The following TRIM40 variants were observed in gnomAD, a reference collection of about 807,000 sequenced individuals.
The protein encoded by TRIM40 is E3 ubiquitin ligase TRIM40.
Under a neutral mutation model 26.1 loss-of-function variants are expected in TRIM40, and 27 were observed. The observed-to-expected ratio is 1.04, with a 90% confidence interval of 0.76 to 1.43. TRIM40 has a LOEUF of 1.43. Ranked by LOEUF, TRIM40 falls within the 40% of genes most tolerant of loss-of-function variation. The pLI is 0.00. For missense variants in TRIM40, 289 were observed against 307.9 expected (o/e 0.94, Z 0.46); for synonymous variants, 114 against 120.0 (o/e 0.95, Z 0.33).
chr6:30,137,243 T>C lies in TRIM40; in HGVS notation c.207T>C (p.Tyr69=), dbSNP rs760116382. 18 of 1,612,956 alleles carry C rather than the reference T, an allele frequency of 1.1e-5. No homozygotes were observed. Among genetic ancestry groups the C allele is most frequent in the Non-Finnish European group, 1.5e-5 (18 of 1,180,042 alleles). The change falls in exon 2 of 6, where the codon TAT becomes TAC. Residue 69 remains tyrosine (Y), a synonymous_variant. Transcript: ENST00000396581. ...PCSEEVLGTG[Y]ICPNHQKRVC... ...CTGAGGAGGTGCTAGGGACAGGCTA[T>C]ATCTGCCCCAACCACCAGAAGAGGG...
At chr6:30,138,139 C>T (rs114179268) in intron 2 of TRIM40, among the ~76,000 whole-genome samples, 1,685 of 152,188 alleles carry the variant, frequency 0.011, 25 homozygotes, top group African/African-American at 0.034. Context: ...TTTTTGTTAT[C>T]TAAAAGTGTG....
Position 30,137,288 on chromosome 6 carries a change from G to C in TRIM40, c.252G>C (p.Glu84Asp), listed in dbSNP as rs778039232. 1.1e-5 allele frequency: 17 copies of C among 1,613,076 alleles called. No homozygotes were observed. The highest frequency in any genetic ancestry group is 1.1e-5 in the Non-Finnish European group (13 of 1,180,022). The change falls in exon 2 of 6, where the codon GAG (glutamate) becomes GAC (aspartate). Residue 84 changes from glutamate (E) to aspartate (D), a missense_variant. Transcript: ENST00000396581. The part of the protein sequence containing the change: ...HQKRVCRFCE[E>D]SRLLLCVECL... ...AGAGGGTGTGCAGGTTCTGTGAGGA[G>C]AGCAGACTTCTTCTATGTGTGGAAT...
intron 4 of TRIM40, 109 bp downstream of exon 4, chr6:30,147,318 T>C: frequency 7.1e-7 from 1 of 1,399,472 alleles, no homozygotes; most frequent in Non-Finnish European, 1.0e-6. Context: ...GTGTGATATG[T>C]GGTGACTTGT....
intron 2 of TRIM40, among the ~76,000 whole-genome samples, chr6:30,138,524 G>A (rs954850582): frequency 6.6e-6 from 1 of 152,068 alleles, no homozygotes; most frequent in Non-Finnish European, 1.5e-5. Context: ...TCTTTGTGCT[G>A]TTCTATTCTG....
Position 30,148,053 on chromosome 6 carries a change from G to C in TRIM40, c.*241G>C. 1.7e-6 allele frequency: 1 copy of C among 578,858 alleles called. No homozygotes were observed. The highest frequency in any genetic ancestry group is 3.1e-6 in the Non-Finnish European group (1 of 325,346). 35.9% of individuals were successfully genotyped at this position (578,858 alleles called of 1,614,324 possible). ...GCTTGGGGCTGCCACTGTGGAGGTC[G>C]GGGCCCATGGTCTCCAGGAGCATTT... On this transcript the variant is annotated 3_prime_UTR_variant, in exon 6 of 6. Transcript: ENST00000396581.
At position 30,147,542 on chromosome 6, in the gene TRIM40, G is replaced by C. The variant is rs748899774; in HGVS notation, c.689G>C (p.Arg230Thr). The C allele has an allele frequency of 1.2e-6, 2 of 1,614,190 alleles. No individual in the cohort carries two copies. Among genetic ancestry groups the C allele is most frequent in the South Asian group, 2.2e-5 (2 of 91,084 alleles). The part of the protein sequence containing the change: ...TLKNAGDLLN[R>T]SAPQKLEVIY... Reference sequence around the variant, plus strand: ...TAGAATGCTGGTGACTTACTGAACAGGTACGAGCTGTCCCTTCTTCTTTCC... The same window carrying C: ...TAGAATGCTGGTGACTTACTGAACACGTACGAGCTGTCCCTTCTTCTTTCC... The change falls in exon 5 of 6, where the codon AGG becomes ACG. Residue 230 changes from arginine (R) to threonine (T), a missense_variant and splice_region_variant. Coordinates refer to ENST00000396581, the MANE Select transcript of TRIM40 (RefSeq NM_001286633.2).
rs752023006 is a variant in TRIM40 at position 30,147,180 on chromosome 6, G to A, written c.637G>A (p.Ala213Thr). The change falls in exon 4 of 6, where the codon GCC (alanine) becomes ACC (threonine). Residue 213 changes from alanine (A) to threonine (T), a missense_variant. Physicochemically the swap from Ala to Thr is moderately conservative, Grantham distance 58 (BLOSUM62 0). Coordinates refer to ENST00000396581, the MANE Select transcript of TRIM40 (RefSeq NM_001286633.2). ...CCTGGTCATTGATCTGGAAAGGACG[G>A]CCAAGGAATTAGACACCAACACACT... ...RSLVIDLERT[A>T]KELDTNTLKN... 24 of 1,614,108 alleles carry A rather than the reference G, an allele frequency of 1.5e-5. No homozygotes were observed. Among genetic ancestry groups the A allele is most frequent in the South Asian group, 1.1e-5 (1 of 91,090 alleles).
In TRIM40 at chr6:30,140,216, C is replaced by T. The variant is rs1268992642; in HGVS notation, c.345+2835C>T. On this transcript the variant is annotated intron_variant, in intron 2 of 5. Transcript: ENST00000396581. ...ACCATTTGACCCAGCAATCCCATTA[C>T]TGGGTATATACCCAAAGGATTATAA... Among the ~76,000 whole-genome samples, 3 of 152,186 alleles carry T rather than the reference C, an allele frequency of 2.0e-5. No individual in the cohort carries two copies. The East Asian group carries it at 5.8e-4, about 29-fold the overall frequency.
In TRIM40 at chr6:30,147,514, TC is replaced by T. The variant is rs1304389540; in HGVS notation, c.667-4del. Reference sequence around the variant, plus strand: ...AATTATGATTCTCACTTTTTCTCTCTCCTAGAATGCTGGTGACTTACTGAAC... The same window carrying T: ...AATTATGATTCTCACTTTTTCTCTCTCTAGAATGCTGGTGACTTACTGAAC... On this transcript the variant is annotated splice_region_variant and splice_polypyrimidine_tract_variant and intron_variant, in intron 4 of 5. Transcript: ENST00000396581. The T allele has an allele frequency of 1.2e-6, 2 of 1,614,018 alleles. No individual in the cohort carries two copies. The highest frequency in any genetic ancestry group is 2.2e-5 in the South Asian group (2 of 91,084).
chr6:30,137,799 A>T (rs184438767), intron 2 of TRIM40, among the ~76,000 whole-genome samples: 1,683 of 152,088 alleles, frequency 0.011, 25 homozygotes, highest in African/African-American at 0.034. Context: ...TTACTACATA[A>T]TTTTTTCTCT....
intron 2 of TRIM40, among the ~76,000 whole-genome samples, chr6:30,140,124 A>G (rs974421266): frequency 6.6e-5 from 10 of 152,210 alleles, no homozygotes; most frequent in Middle Eastern, 3.2e-3. Flanking sequence ...TGTTGGTGGG[A>G]GTGTAAATTA....
At chr6:30,137,495 GT>G in intron 2 of TRIM40, 114 bp downstream of exon 2, 1 of 915,604 alleles carries the variant, frequency 1.1e-6, no homozygotes, top group Non-Finnish European at 1.7e-6. Context: ...ATCTCTCTTT[GT>G]TTCTTCTGCT....
intron 2 of TRIM40, among the ~76,000 whole-genome samples, chr6:30,141,158 A>G (rs1041028282): frequency 2.0e-5 from 3 of 152,042 alleles, no homozygotes; most frequent in Non-Finnish European, 2.9e-5. Flanking sequence ...AACAGGATTT[A>G]AAAAAAAGAA....
chr6:30,147,210 G>T lies in TRIM40; in HGVS notation c.666+1G>T, dbSNP rs1174959045. 1 of 1,614,178 alleles carries T rather than the reference G, an allele frequency of 6.2e-7. No individual in the cohort carries two copies. Among genetic ancestry groups the T allele is most frequent in the Non-Finnish European group, 8.5e-7 (1 of 1,180,036 alleles). On this transcript the variant is annotated splice_donor_variant, in intron 4 of 5. Coordinates refer to ENST00000396581, the MANE Select transcript of TRIM40 (RefSeq NM_001286633.2). LOFTEE classifies it high-confidence loss of function. ...GGAATTAGACACCAACACACTGAAGGTGCATACCCTGAGGCCTTCCCCAAG... is the reference window on the plus strand; with the variant it reads ...GGAATTAGACACCAACACACTGAAGTTGCATACCCTGAGGCCTTCCCCAAG...
At chr6:30,137,585 T>C (rs1451337507) in intron 2 of TRIM40, among the ~76,000 whole-genome samples, 1 of 152,188 alleles carries the variant, frequency 6.6e-6, no homozygotes, top group Non-Finnish European at 1.5e-5. Flanking sequence ...TGTGAGTCTG[T>C]CTAAAAGAGG....
Position 30,145,773 on chromosome 6 carries a change from T to A in TRIM40, c.346-221T>A, listed in dbSNP as rs12202131. ...ATTATTTTTTCTGTACTTCTAAGAC[T>A]GTAAAAAAATTACCCATTACTATTT... On this transcript the variant is annotated intron_variant, in intron 2 of 5. Coordinates refer to ENST00000396581, the MANE Select transcript of TRIM40 (RefSeq NM_001286633.2). Among the ~76,000 whole-genome samples, 6,134 of 152,320 alleles carry A rather than the reference T, an allele frequency of 0.04. 206 individuals carry two copies. Among genetic ancestry groups the A allele is most frequent in the Middle Eastern group, 0.1 (30 of 294 alleles).
chr6:30,143,125 G>C (rs948006169), intron 2 of TRIM40, among the ~76,000 whole-genome samples: 2 of 152,016 alleles, frequency 1.3e-5, no homozygotes, highest in Non-Finnish European at 2.9e-5. Context: ...TTCTCAACCA[G>C]TACCAAGATA....
intron 2 of TRIM40, among the ~76,000 whole-genome samples, chr6:30,139,210 C>A (rs950772432): frequency 1.3e-5 from 2 of 152,144 alleles, no homozygotes; most frequent in African/African-American, 4.8e-5. Context: ...TTAGTAAGTT[C>A]CTGCTGTGTG....
In TRIM40 at chr6:30,147,725, G is replaced by A. The variant is rs1198065188; in HGVS notation, c.690G>A (p.Arg230=). 1 of 1,613,912 alleles carries A rather than the reference G, an allele frequency of 6.2e-7. No individual in the cohort carries two copies. Among genetic ancestry groups the A allele is most frequent in the Non-Finnish European group, 8.5e-7 (1 of 1,179,896 alleles). Residue 230 remains arginine (R), a splice_region_variant and synonymous_variant, in exon 6 of 6, where the codon AGG becomes AGA. Transcript: ENST00000396581. ...TLKNAGDLLN[R]SAPQKLEVIY... Reference sequence around the variant, plus strand: ...CTATGAAAGATTTCTTTGTTTCTAGGAGTGCTCCACAGAAATTAGAGGTTA... The same window carrying A: ...CTATGAAAGATTTCTTTGTTTCTAGAAGTGCTCCACAGAAATTAGAGGTTA...
Sources: gnomAD v4.1 joint callset for allele counts (sites outside exome capture counted in the v4.1 genomes callset) on GRCh38, gnomAD v4.1.1 for gene constraint, MANE v1.5 for transcripts, NCBI Gene and HGNC (gene_info 2026-07-23, HGNC 2026-07-21) for gene names.